ETFA: variants seen among roughly 807,000 people sequenced by gnomAD.
The protein encoded by ETFA is electron transfer flavoprotein subunit alpha.
In ETFA, 22 loss-of-function variants were observed where a neutral mutation model predicts 46.2. The ratio of observed to expected loss-of-function variants is 0.48; its 90% CI spans 0.34 to 0.68. ETFA has a LOEUF of 0.68. Ranked by LOEUF, ETFA falls within the 30% of genes least tolerant of loss-of-function variation. The probability of loss-of-function intolerance (pLI) is 0.01; values close to 1 mark genes in which losing one functional copy is unlikely to be tolerated. For synonymous variants in ETFA, 131 were observed against 139.9 expected (o/e 0.94, Z 0.45); for missense variants, 345 against 401.1 (o/e 0.86, Z 1.19).
chr15:76,250,700 A>ATT (rs982001871), intron 9 of ETFA, among the ~76,000 whole-genome samples: 2 of 144,474 alleles, frequency 1.4e-5, no homozygotes, highest in East Asian at 4.0e-4. Context: ...ACCCAACTAA[A>ATT]TTTTTTTTTT....
intron 9 of ETFA, among the ~76,000 whole-genome samples, chr15:76,250,112 G>C (rs1407661010): frequency 4.0e-5 from 6 of 151,530 alleles, no homozygotes; most frequent in Non-Finnish European, 7.4e-5. Flanking sequence ...TAAGAAAATA[G>C]GTAAAGTGTG....
At chr15:76,240,058 T>C (rs780316202) in intron 9 of ETFA, among the ~76,000 whole-genome samples, 6 of 152,226 alleles carry the variant, frequency 3.9e-5, no homozygotes, top group Non-Finnish European at 7.3e-5. Flanking sequence ...GTTGTTGTTG[T>C]TGATGATGTT....
chr15:76,274,827 G>C (rs1396838587), intron 8 of ETFA, among the ~76,000 whole-genome samples: 2 of 152,148 alleles, frequency 1.3e-5, no homozygotes, highest in Non-Finnish European at 2.9e-5. Flanking sequence ...ATAAAGAGAA[G>C]ATACTGGACA....
At chr15:76,264,946 G>T (rs1248468783) in intron 9 of ETFA, among the ~76,000 whole-genome samples, 1 of 152,234 alleles carries the variant, frequency 6.6e-6, no homozygotes, top group African/African-American at 2.4e-5. Flanking sequence ...GGGCAAATCA[G>T]TGCCATTCTA....
intron 9 of ETFA, among the ~76,000 whole-genome samples, chr15:76,272,185 C>G (rs868055630): frequency 6.6e-6 from 1 of 151,414 alleles, no homozygotes; most frequent in Non-Finnish European, 1.5e-5. Context: ...AAATAAGTCT[C>G]TGTCACTTCA....
At chr15:76,279,696 G>C (rs572208684) in intron 8 of ETFA, among the ~76,000 whole-genome samples, 35 of 152,184 alleles carry the variant, frequency 2.3e-4, no homozygotes, top group African/African-American at 7.5e-4. Flanking sequence ...AGTCCTCACC[G>C]TCCTTGACCT....
intron 9 of ETFA, among the ~76,000 whole-genome samples, chr15:76,258,252 CCT>C (rs916323414): frequency 6.6e-6 from 1 of 152,080 alleles, no homozygotes; most frequent in Non-Finnish European, 1.5e-5. Flanking sequence ...CTCCTGAACT[CCT>C]CTCCAGCCTC....
intron 2 of ETFA, among the ~76,000 whole-genome samples, chr15:76,293,218 C>A (rs1248195558): frequency 6.6e-6 from 1 of 152,178 alleles, no homozygotes; most frequent in African/African-American, 2.4e-5. Context: ...ACTGACTGAC[C>A]TTACACTGTC....
rs111734384 is a variant in ETFA at position 76,259,354 on chromosome 15, A to G, written c.816+15058T>C. ...GGGCGCTGCTTGGGGTCAGCACTCCAGCACTGGTACATGAGATCATACAAA... is the reference window on the plus strand; with the variant it reads ...GGGCGCTGCTTGGGGTCAGCACTCCGGCACTGGTACATGAGATCATACAAA... On this transcript the variant is annotated intron_variant, in intron 9 of 11. Coordinates refer to ENST00000557943, the MANE Select transcript of ETFA (RefSeq NM_000126.4). 14,032 of 1,590,388 alleles carry G rather than the reference A, an allele frequency of 8.8e-3. 740 individuals carry two copies. In the African/African-American group the frequency reaches 0.14, roughly 15 times the overall value.
chr15:76,222,051 C>A (rs1350545857), intron 11 of ETFA, among the ~76,000 whole-genome samples: 1 of 151,826 alleles, frequency 6.6e-6, no homozygotes, highest in Non-Finnish European at 1.5e-5. Flanking sequence ...TAAAAAAGTC[C>A]TTTCTGTACG....
At chr15:76,258,941 G>A (rs2039374051) in intron 9 of ETFA, 1 of 1,324,480 alleles carries the variant, frequency 7.6e-7, no homozygotes, top group Admixed American at 1.7e-5. Context: ...CAGCACAGTG[G>A]CCATCAGAGC....
chr15:76,221,414 G>A (rs184804667), intron 11 of ETFA, among the ~76,000 whole-genome samples: 243 of 152,316 alleles, frequency 1.6e-3, no homozygotes, highest in African/African-American at 5.4e-3. Flanking sequence ...GATAGTGGTT[G>A]TGTAACTGTG....
chr15:76,259,186 C>A, intron 9 of ETFA: 1 of 1,522,540 alleles, frequency 6.6e-7, no homozygotes, highest in Non-Finnish European at 9.1e-7. Context: ...TAGGGCTGAT[C>A]CCCGCTAGGC....
At chr15:76,287,687 G>A in intron 5 of ETFA, 159 bp downstream of exon 5, 1 of 587,566 alleles carries the variant, frequency 1.7e-6, no homozygotes, top group Non-Finnish European at 3.1e-6. Context: ...CCATGTCAAG[G>A]GCCACCAGCA....
chr15:76,271,119 G>C (rs950620430), intron 9 of ETFA, among the ~76,000 whole-genome samples: 2 of 143,472 alleles, frequency 1.4e-5, no homozygotes, highest in Middle Eastern at 7.8e-3. Flanking sequence ...CCAGTGAGCC[G>C]AGATCACACC....
intron 7 of ETFA, 65 bp downstream of exon 7, chr15:76,285,572 T>G: frequency 1.0e-6 from 1 of 964,588 alleles, no homozygotes; most frequent in Non-Finnish European, 1.7e-6. Flanking sequence ...AAATAAATAC[T>G]AAAAATAAAA....
chr15:76,303,786 T>A (rs1280751902), intron 1 of ETFA, among the ~76,000 whole-genome samples: 1 of 152,112 alleles, frequency 6.6e-6, no homozygotes, highest in Non-Finnish European at 1.5e-5. Context: ...TATTTAAAAC[T>A]CAAAAAACAA....
At chr15:76,260,086 T>C (rs1413691081) in intron 9 of ETFA, 6 of 1,492,824 alleles carry the variant, frequency 4.0e-6, no homozygotes, top group East Asian at 4.5e-5. Context: ...AAAGGAGCCA[T>C]CCTCCTGCTT....
chr15:76,294,483 T>TA (rs1315852929), intron 2 of ETFA, among the ~76,000 whole-genome samples: 2 of 152,224 alleles, frequency 1.3e-5, no homozygotes, highest in East Asian at 3.8e-4. Flanking sequence ...CAATTTCATG[T>TA]AAAAAATTAG....
Sources: allele counts gnomAD v4.1 joint callset (sites outside exome capture counted in the v4.1 genomes callset), GRCh38; gene constraint gnomAD v4.1.1; transcripts MANE v1.5; gene names NCBI Gene and HGNC (gene_info 2026-07-23, HGNC 2026-07-21).